The following FRMD4A variants were observed in gnomAD, a reference collection of about 807,000 sequenced individuals.
FRMD4A encodes the protein FERM domain containing 4A, also known as FERM domain-containing protein 4A.
FRMD4A carries 29 observed loss-of-function variants against 129.1 expected under a neutral mutation model. The ratio of observed to expected loss-of-function variants is 0.22; its 90% CI spans 0.17 to 0.31. The LOEUF is 0.31. Ranked by LOEUF, FRMD4A falls within the 10% of genes least tolerant of loss-of-function variation. FRMD4A has a pLI of 1.00. For synonymous variants in FRMD4A, 634 were observed against 571.6 expected, an observed-to-expected ratio of 1.11 and a Z score of -1.56; for missense variants, 1,272 against 1,375.8, an observed-to-expected ratio of 0.92 and a Z score of 1.19.
chr10:13,682,173 G>C (rs1285123643), intron 15 of FRMD4A, among the ~76,000 whole-genome samples: 2 of 152,124 alleles, frequency 1.3e-5, no homozygotes, highest in Non-Finnish European at 2.9e-5. Flanking sequence ...ACTGTGAGCT[G>C]TGATTGCGCC....
At chr10:13,716,725 G>C (rs1033065547) in intron 12 of FRMD4A, among the ~76,000 whole-genome samples, 7 of 152,136 alleles carry the variant, frequency 4.6e-5, no homozygotes, top group Non-Finnish European at 1.0e-4. Flanking sequence ...TCATTACTAG[G>C]GGAAAAGGGA....
intron 8 of FRMD4A, among the ~76,000 whole-genome samples, chr10:13,749,954 GAAAGA>G (rs1223646300): frequency 2.1e-5 from 3 of 140,656 alleles, no homozygotes; most frequent in Admixed American, 1.5e-4. Flanking sequence ...ACCCTATCAA[GAAAGA>G]AAAGAAAAGA....
intron 2 of FRMD4A, among the ~76,000 whole-genome samples, chr10:13,921,600 G>A (rs1471140135): frequency 6.6e-6 from 1 of 152,062 alleles, no homozygotes; most frequent in Non-Finnish European, 1.5e-5. Context: ...CATTCATGAG[G>A]GCTCAGCACA....
chr10:13,904,667 A>AT (rs547168393), intron 2 of FRMD4A, among the ~76,000 whole-genome samples: 120 of 152,290 alleles, frequency 7.9e-4, no homozygotes, highest in African/African-American at 2.6e-3. Context: ...AACCCAATAG[A>AT]TTTTTATAGT....
chr10:14,247,734 G>C (rs562232846), intron 2 of FRMD4A, among the ~76,000 whole-genome samples: 38 of 152,272 alleles, frequency 2.5e-4, no homozygotes, highest in African/African-American at 8.9e-4. Context: ...GCCTTACGGG[G>C]CACAGGACCC....
intron 2 of FRMD4A, among the ~76,000 whole-genome samples, chr10:14,135,422 C>A (rs1839483305): frequency 6.6e-6 from 1 of 152,228 alleles, no homozygotes; most frequent in African/African-American, 2.4e-5. Flanking sequence ...TACCTTACTG[C>A]CAGTTTCTGT....
At chr10:14,143,285 A>G (rs1399452319) in intron 2 of FRMD4A, among the ~76,000 whole-genome samples, 1 of 152,262 alleles carries the variant, frequency 6.6e-6, no homozygotes, top group Non-Finnish European at 1.5e-5. Context: ...CATACAATTA[A>G]ATATCATCTA....
intron 2 of FRMD4A, among the ~76,000 whole-genome samples, chr10:14,305,764 G>C (rs1464785101): frequency 6.6e-6 from 1 of 151,960 alleles, no homozygotes; most frequent in Non-Finnish European, 1.5e-5. Flanking sequence ...AAGAAAATGT[G>C]ATACATACAC....
chr10:14,094,520 T>C (rs1365243454), intron 2 of FRMD4A, among the ~76,000 whole-genome samples: 3 of 152,116 alleles, frequency 2.0e-5, no homozygotes, highest in African/African-American at 7.2e-5. Context: ...GAGCAGCTTC[T>C]ACCCAGGGTC....
intron 2 of FRMD4A, among the ~76,000 whole-genome samples, chr10:13,966,445 G>A (rs2446581): frequency 0.27 from 41,721 of 152,178 alleles, 9,041 homozygotes; most frequent in African/African-American, 0.6. Context: ...CGCAGGCCCT[G>A]CCATTAACCC....
intron 2 of FRMD4A, among the ~76,000 whole-genome samples, chr10:13,929,942 A>G (rs2095174708): frequency 6.6e-6 from 1 of 152,234 alleles, no homozygotes; most frequent in Non-Finnish European, 1.5e-5. Flanking sequence ...TTCCATGAAA[A>G]TCATACAGCA....
intron 2 of FRMD4A, among the ~76,000 whole-genome samples, chr10:14,224,449 C>A (rs1564398956): frequency 6.6e-6 from 1 of 150,896 alleles, no homozygotes; most frequent in Non-Finnish European, 1.5e-5. Flanking sequence ...TTTCTTCCCT[C>A]ATTTCCACTC....
At chr10:13,950,812 T>C (rs2095365625) in intron 2 of FRMD4A, among the ~76,000 whole-genome samples, 1 of 152,212 alleles carries the variant, frequency 6.6e-6, no homozygotes, top group South Asian at 2.1e-4. Context: ...TGTCATCATG[T>C]CAGGAAGTCC....
At chr10:14,191,813 C>G (rs1347763693) in intron 2 of FRMD4A, among the ~76,000 whole-genome samples, 1 of 145,708 alleles carries the variant, frequency 6.9e-6, no homozygotes, top group African/African-American at 2.5e-5. Flanking sequence ...TTTTCTCTCT[C>G]TCTCTCTCTC....
At chr10:14,085,488 G>A (rs1274865810) in intron 2 of FRMD4A, among the ~76,000 whole-genome samples, 1 of 152,206 alleles carries the variant, frequency 6.6e-6, no homozygotes, top group Non-Finnish European at 1.5e-5. Context: ...CCCTGGATGA[G>A]GCTCTGACAC....
At chr10:14,031,804 A>G (rs1833259125) in intron 2 of FRMD4A, among the ~76,000 whole-genome samples, 1 of 152,178 alleles carries the variant, frequency 6.6e-6, no homozygotes, top group African/African-American at 2.4e-5. Flanking sequence ...TGCCAAATCC[A>G]GGAAGTCTGC....
At chr10:13,699,361 G>A (rs1162365889) in intron 14 of FRMD4A, among the ~76,000 whole-genome samples, 4 of 151,484 alleles carry the variant, frequency 2.6e-5, no homozygotes, top group Non-Finnish European at 5.9e-5. Context: ...ACAGGCGTGA[G>A]CCATGGCGGC....
At chr10:13,793,616 G>A (rs4145934) in intron 5 of FRMD4A, among the ~76,000 whole-genome samples, 46,175 of 152,140 alleles carry the variant, frequency 0.3, 8,208 homozygotes, top group South Asian at 0.47. Flanking sequence ...ATATGCAGGT[G>A]CCATGGCTGG....
At chr10:14,180,136 T>G (rs1184228689) in intron 2 of FRMD4A, among the ~76,000 whole-genome samples, 1 of 152,252 alleles carries the variant, frequency 6.6e-6, no homozygotes, top group African/African-American at 2.4e-5. Context: ...TTTCATTTTA[T>G]AAGATTGGAG....
Sources: gnomAD v4.1 joint callset for allele counts (sites outside exome capture counted in the v4.1 genomes callset) on GRCh38, gnomAD v4.1.1 for gene constraint, MANE v1.5 for transcripts, NCBI Gene and HGNC (gene_info 2026-07-23, HGNC 2026-07-21) for gene names.